Variants in SLC35F3 observed in about 807,000 individuals in gnomAD.
SLC35F3 encodes putative thiamine transporter SLC35F3.
Under a neutral mutation model 49.9 loss-of-function variants are expected in SLC35F3, and 25 were observed. The ratio of observed to expected loss-of-function variants is 0.50; its 90% confidence interval spans 0.37 to 0.70. The LOEUF is 0.70. Ranked by LOEUF, SLC35F3 falls within the 30% of genes least tolerant of loss-of-function variation. The pLI is 0.00. For synonymous variants in SLC35F3, 275 were observed against 265.4 expected (o/e 1.04, Z -0.35); for missense variants, 525 against 639.8 (o/e 0.82, Z 1.94).
chr1:234,113,514 C>T (rs1267401187), intron 2 of SLC35F3, among the ~76,000 whole-genome samples: 1 of 152,142 alleles, frequency 6.6e-6, no homozygotes, highest in African/African-American at 2.4e-5. Flanking sequence ...TTATAGGCTG[C>T]CCTAAAATGA....
At chr1:234,113,240 G>A (rs1665435246) in intron 2 of SLC35F3, among the ~76,000 whole-genome samples, 1 of 152,124 alleles carries the variant, frequency 6.6e-6, no homozygotes. Context: ...GTAAGCCCTT[G>A]GCCTTAGACC....
At chr1:233,995,688 C>G (rs1389165046) in intron 2 of SLC35F3, among the ~76,000 whole-genome samples, 1 of 152,136 alleles carries the variant, frequency 6.6e-6, no homozygotes, top group Non-Finnish European at 1.5e-5. Context: ...GCAAAGGTCC[C>G]TGCTTATCCC....
At chr1:234,255,624 A>G (rs1667809325) in intron 3 of SLC35F3, among the ~76,000 whole-genome samples, 1 of 152,234 alleles carries the variant, frequency 6.6e-6, no homozygotes, top group Admixed American at 6.5e-5. Flanking sequence ...AAGACATTGA[A>G]CAACCTTAAA....
intron 2 of SLC35F3, among the ~76,000 whole-genome samples, chr1:234,138,306 C>A (rs1048797508): frequency 6.6e-6 from 1 of 152,126 alleles, no homozygotes; most frequent in East Asian, 1.9e-4. Flanking sequence ...ACATTACTTT[C>A]CCTTTCAATG....
chr1:233,954,435 AAGG>A (rs1662661662), intron 2 of SLC35F3, among the ~76,000 whole-genome samples: 6 of 152,274 alleles, frequency 3.9e-5, no homozygotes, highest in Admixed American at 3.3e-4. Flanking sequence ...AGAGAATACT[AAGG>A]AGGAGGTGTT....
chr1:234,273,578 C>T (rs767746870), intron 3 of SLC35F3, among the ~76,000 whole-genome samples: 19 of 152,166 alleles, frequency 1.2e-4, no homozygotes, highest in African/African-American at 2.2e-4. Context: ...TTATAAATTA[C>T]GTGATACAGA....
At chr1:233,918,524 T>C (rs974417243) in intron 2 of SLC35F3, among the ~76,000 whole-genome samples, 1 of 152,142 alleles carries the variant, frequency 6.6e-6, no homozygotes, top group Non-Finnish European at 1.5e-5. Flanking sequence ...GGCCAGGCAC[T>C]GTGGCTCAAG....
chr1:234,017,440 G>A (rs1034525106), intron 2 of SLC35F3, among the ~76,000 whole-genome samples: 3 of 152,066 alleles, frequency 2.0e-5, no homozygotes, highest in Middle Eastern at 3.2e-3. Context: ...GCAGCCGGGC[G>A]CAGTGGCTCA....
intron 2 of SLC35F3, among the ~76,000 whole-genome samples, chr1:234,177,165 A>G (rs980055232): frequency 2.0e-5 from 3 of 152,154 alleles, no homozygotes; most frequent in African/African-American, 7.2e-5. Context: ...TTCCCTGCAC[A>G]AGTGCTCTCT....
chr1:234,205,767 C>A (rs992668849), intron 2 of SLC35F3, among the ~76,000 whole-genome samples: 1 of 152,212 alleles, frequency 6.6e-6, no homozygotes, highest in African/African-American at 2.4e-5. Flanking sequence ...CAGCACCAAG[C>A]CCTCAGGAAA....
At chr1:233,984,786 G>C (rs141252826) in intron 2 of SLC35F3, among the ~76,000 whole-genome samples, 16 of 152,266 alleles carry the variant, frequency 1.1e-4, no homozygotes, top group African/African-American at 3.4e-4. Flanking sequence ...GATGTCTTTG[G>C]TGGGGGTCTA....
intron 2 of SLC35F3, among the ~76,000 whole-genome samples, chr1:234,147,475 T>G (rs2102906744): frequency 6.6e-6 from 1 of 152,322 alleles, no homozygotes; most frequent in South Asian, 2.1e-4. Flanking sequence ...TAAATCTTTT[T>G]GTGCTTCTGT....
chr1:234,270,117 T>TGAGTTAC (rs2102973900), intron 3 of SLC35F3, among the ~76,000 whole-genome samples: 2 of 152,328 alleles, frequency 1.3e-5, no homozygotes, highest in East Asian at 3.9e-4. Context: ...TAGGACAAAC[T>TGAGTTAC]GAGTTACAAG....
intron 2 of SLC35F3, among the ~76,000 whole-genome samples, chr1:234,009,662 C>G (rs952879041): frequency 2.0e-5 from 3 of 152,112 alleles, no homozygotes; most frequent in African/African-American, 7.2e-5. Flanking sequence ...TGTCAGAGTT[C>G]AGATACGTAA....
At chr1:234,075,073 G>A (rs12750467) in intron 2 of SLC35F3, among the ~76,000 whole-genome samples, 18,079 of 152,170 alleles carry the variant, frequency 0.12, 1,385 homozygotes, top group Non-Finnish European at 0.18. Flanking sequence ...AATTTTACAT[G>A]GTAGTGAGAT....
intron 2 of SLC35F3, among the ~76,000 whole-genome samples, chr1:234,193,715 C>T (rs751616752): frequency 7.9e-5 from 12 of 152,240 alleles, no homozygotes; most frequent in Middle Eastern, 3.4e-3. Flanking sequence ...GACTAATATC[C>T]AGAATCTACA....
chr1:234,053,255 A>T (rs536878061), intron 2 of SLC35F3, among the ~76,000 whole-genome samples: 2 of 152,272 alleles, frequency 1.3e-5, no homozygotes, highest in East Asian at 3.9e-4. Flanking sequence ...GTCTCCCATT[A>T]TTACTGTGTG....
intron 2 of SLC35F3, among the ~76,000 whole-genome samples, chr1:234,055,821 C>A (rs73104498): frequency 0.047 from 7,209 of 152,282 alleles, 364 homozygotes; most frequent in African/African-American, 0.13. Flanking sequence ...TTTTACTCAT[C>A]TTTTACTAGG....
chr1:234,233,500 C>T (rs1242313508), intron 3 of SLC35F3, among the ~76,000 whole-genome samples: 1 of 152,258 alleles, frequency 6.6e-6, no homozygotes, highest in Non-Finnish European at 1.5e-5. Flanking sequence ...CCTGGGAAGA[C>T]TGTCACCACC....
Sources: gnomAD v4.1 joint callset for allele counts (sites outside exome capture counted in the v4.1 genomes callset) on GRCh38, gnomAD v4.1.1 for gene constraint, MANE v1.5 for transcripts, NCBI Gene and HGNC (gene_info 2026-07-23, HGNC 2026-07-21) for gene names.